GRAMD2B: variants seen among roughly 807,000 people sequenced by gnomAD.
The protein encoded by GRAMD2B is GRAM domain containing 2B, also known as GRAM domain-containing protein 2B.
A neutral mutation model predicts 59.2 loss-of-function variants in GRAMD2B; 41 were observed. That is an observed-to-expected ratio of 0.69 (90% CI 0.54 to 0.90). GRAMD2B has a LOEUF of 0.90. Among genes scored for constraint, GRAMD2B ranks in the 40% least tolerant of loss-of-function variants. GRAMD2B has a pLI of 0.00. For synonymous variants in GRAMD2B, 161 were observed against 182.7 expected (o/e 0.88, Z 0.96); for missense variants, 424 against 500.5 (o/e 0.85, Z 1.46).
intron 1 of GRAMD2B, among the ~76,000 whole-genome samples, chr5:126,404,167 T>C (rs966000549): frequency 6.6e-6 from 1 of 151,880 alleles, no homozygotes; most frequent in South Asian, 2.1e-4. Context: ...AATCAGGAAA[T>C]CCCAGGATTG....
intron 1 of GRAMD2B, among the ~76,000 whole-genome samples, chr5:126,381,625 G>T (rs1487482846): frequency 1.3e-5 from 2 of 152,164 alleles, no homozygotes. Context: ...TACTTGGTTA[G>T]TGACATCTTA....
intron 1 of GRAMD2B, among the ~76,000 whole-genome samples, chr5:126,454,933 A>G (rs2126707585): frequency 6.6e-6 from 1 of 152,278 alleles, no homozygotes; most frequent in South Asian, 2.1e-4. Flanking sequence ...ATCAATATAC[A>G]TCTATTATGT....
intron 1 of GRAMD2B, among the ~76,000 whole-genome samples, chr5:126,415,102 G>C (rs758248126): frequency 6.6e-6 from 1 of 152,186 alleles, no homozygotes; most frequent in African/African-American, 2.4e-5. Context: ...GCTTGGAATA[G>C]AGCCCAGTTC....
At chr5:126,369,873 C>A (rs1281652481), upstream of GRAMD2B, among the ~76,000 whole-genome samples, 1 of 152,196 alleles carries the variant, frequency 6.6e-6, no homozygotes, top group Non-Finnish European at 1.5e-5. Context: ...TTACAAGGAG[C>A]AGAAACTCCC....
chr5:126,383,410 C>T (rs1201404295), intron 1 of GRAMD2B, among the ~76,000 whole-genome samples: 2 of 152,186 alleles, frequency 1.3e-5, no homozygotes, highest in African/African-American at 2.4e-5. Context: ...TTGGGAAGCC[C>T]TGCCAAGAAG....
At chr5:126,468,702 G>A (rs576641119) in intron 2 of GRAMD2B, among the ~76,000 whole-genome samples, 3 of 152,070 alleles carry the variant, frequency 2.0e-5, no homozygotes, top group African/African-American at 4.8e-5. Context: ...TGGCCAGGCC[G>A]GTCTCAAACT....
intron 1 of GRAMD2B, among the ~76,000 whole-genome samples, chr5:126,427,527 T>C (rs1016654806): frequency 6.6e-6 from 1 of 152,200 alleles, no homozygotes; most frequent in Admixed American, 6.5e-5. Context: ...ATTTTAGAAA[T>C]ATGTCCAACT....
chr5:126,489,035 T>G, intron 13 of GRAMD2B, 143 bp downstream of exon 13: 1 of 515,894 alleles, frequency 1.9e-6, no homozygotes, highest in Non-Finnish European at 3.5e-6. Flanking sequence ...GGGCTTTTTA[T>G]AGTAAATGTG....
At chr5:126,425,211 T>A (rs1301616109) in intron 1 of GRAMD2B, among the ~76,000 whole-genome samples, 1 of 152,170 alleles carries the variant, frequency 6.6e-6, no homozygotes, top group East Asian at 1.9e-4. Flanking sequence ...ATAGCCAAGA[T>A]ATGAAATCAA....
chr5:126,403,737 T>C (rs1168658536), intron 1 of GRAMD2B, among the ~76,000 whole-genome samples: 2 of 151,962 alleles, frequency 1.3e-5, no homozygotes, highest in Non-Finnish European at 2.9e-5. Context: ...AGGCAACTTA[T>C]ATCTCCACAC....
intron 1 of GRAMD2B, among the ~76,000 whole-genome samples, chr5:126,460,504 T>C (rs1767146135): frequency 6.6e-6 from 1 of 152,210 alleles, no homozygotes; most frequent in Admixed American, 6.5e-5. Context: ...TTGGAAAAGC[T>C]AAAGGGTTTC....
At chr5:126,379,264 C>G (rs1427667992) in intron 1 of GRAMD2B, among the ~76,000 whole-genome samples, 1 of 152,108 alleles carries the variant, frequency 6.6e-6, no homozygotes, top group African/African-American at 2.4e-5. Flanking sequence ...AGTAGTATCC[C>G]ATGGTATATA....
At chr5:126,398,258 C>A (rs938819696) in intron 1 of GRAMD2B, among the ~76,000 whole-genome samples, 1 of 151,992 alleles carries the variant, frequency 6.6e-6, no homozygotes, top group Non-Finnish European at 1.5e-5. Flanking sequence ...TGAGCTCAAG[C>A]AATCCTCCCA....
At chr5:126,393,629 A>G (rs1405614901) in intron 1 of GRAMD2B, among the ~76,000 whole-genome samples, 1 of 152,224 alleles carries the variant, frequency 6.6e-6, no homozygotes, top group Non-Finnish European at 1.5e-5. Flanking sequence ...AAATAAGTCA[A>G]CCTGGAAGCA....
At chr5:126,450,262 C>G (rs924311788) in intron 1 of GRAMD2B, among the ~76,000 whole-genome samples, 1 of 152,094 alleles carries the variant, frequency 6.6e-6, no homozygotes, top group Non-Finnish European at 1.5e-5. Context: ...GAACATTTCT[C>G]TCTTCTAAGT....
chr5:126,483,522 G>A lies in GRAMD2B; in HGVS notation c.795G>A (p.Met265Ile). 6.2e-7 allele frequency: 1 copy of A among 1,613,294 alleles called. No individual in the cohort carries two copies. The highest frequency in any genetic ancestry group is 8.5e-7 in the Non-Finnish European group (1 of 1,179,354). ...DGVVQQRRQD[M>I]EGYSSSGSQT... ...TGGTTCAACAAAGAAGGCAAGACATGGAAGGATATAGCAGTTCTGGTTCTC... is the reference window on the plus strand; with the variant it reads ...TGGTTCAACAAAGAAGGCAAGACATAGAAGGATATAGCAGTTCTGGTTCTC... Residue 265 changes from methionine (M) to isoleucine (I), a missense_variant, in exon 9 of 14, where the codon ATG becomes ATA. Met to Ile is a conservative substitution (Grantham distance 10). Transcript: ENST00000285689.
At chr5:126,479,357 CCATA>C (rs1771273920) in intron 6 of GRAMD2B, among the ~76,000 whole-genome samples, 1 of 151,784 alleles carries the variant, frequency 6.6e-6, no homozygotes, top group Admixed American at 6.6e-5. Flanking sequence ...TCCTTTCTAA[CCATA>C]CTAGAAAACT....
intron 1 of GRAMD2B, among the ~76,000 whole-genome samples, chr5:126,444,400 G>A (rs75744036): frequency 0.016 from 2,504 of 152,262 alleles, 63 homozygotes; most frequent in African/African-American, 0.057. Context: ...TTATTGTTTT[G>A]TAAAAGCCAT....
At chr5:126,467,106 A>G (rs1484434655) in intron 2 of GRAMD2B, among the ~76,000 whole-genome samples, 1 of 152,108 alleles carries the variant, frequency 6.6e-6, no homozygotes, top group East Asian at 1.9e-4. Flanking sequence ...CCTGGCTAAC[A>G]TGGTGAAACC....
Sources: gnomAD v4.1 joint callset for allele counts (sites outside exome capture counted in the v4.1 genomes callset) on GRCh38, gnomAD v4.1.1 for gene constraint, MANE v1.5 for transcripts, NCBI Gene and HGNC (gene_info 2026-07-23, HGNC 2026-07-21) for gene names.